Variants in SLC2A9 observed in about 807,000 individuals in gnomAD.
The protein encoded by SLC2A9 is solute carrier family 2, facilitated glucose transporter member 9.
SLC2A9 carries 39 observed loss-of-function variants against 50.6 expected under a neutral mutation model. That is an observed-to-expected ratio of 0.77 (90% CI 0.60 to 1.01). The LOEUF (loss-of-function observed/expected upper bound fraction) is 1.01. SLC2A9 is among the 50% of genes least tolerant of loss of function. The probability of loss-of-function intolerance (pLI) is 0.00; values close to 1 mark genes in which losing one functional copy is unlikely to be tolerated. For missense variants in SLC2A9, 686 were observed against 677.6 expected (o/e 1.01, Z -0.14); for synonymous variants, 324 against 276.9 (o/e 1.17, Z -1.69).
chr4:9,994,564 CT>C (rs35574155), intron 3 of SLC2A9, among the ~76,000 whole-genome samples: 29,181 of 131,630 alleles, frequency 0.22, 2,588 homozygotes, highest in Middle Eastern at 0.26. Flanking sequence ...TTTCCTTTTC[CT>C]TTTTTTTTTT....
intron 6 of SLC2A9, among the ~76,000 whole-genome samples, chr4:9,930,649 G>T (rs542645219): frequency 6.6e-6 from 1 of 152,232 alleles, no homozygotes; most frequent in Non-Finnish European, 1.5e-5. Context: ...CATATTTGCA[G>T]ATGTCTAGTC....
intron 11 of SLC2A9, among the ~76,000 whole-genome samples, chr4:9,831,173 T>A (rs1271849331): frequency 6.6e-6 from 1 of 152,162 alleles, no homozygotes; most frequent in Non-Finnish European, 1.5e-5. Context: ...AATCAAGTTG[T>A]GTGAGTAGTT....
chr4:9,818,000 C>A (rs1208954302), intron 3 of SLC2A9, among the ~76,000 whole-genome samples: 4 of 152,176 alleles, frequency 2.6e-5, no homozygotes, highest in African/African-American at 9.7e-5. Flanking sequence ...TGACTGCCTT[C>A]CAGTGCTACA....
chr4:9,896,037 T>G (rs1253065255), intron 8 of SLC2A9, among the ~76,000 whole-genome samples: 1 of 152,272 alleles, frequency 6.6e-6, no homozygotes, highest in Non-Finnish European at 1.5e-5. Context: ...AATAGCTGTT[T>G]CCAATTTTCA....
At chr4:9,856,009 C>T (rs1730661021) in intron 10 of SLC2A9, among the ~76,000 whole-genome samples, 1 of 152,196 alleles carries the variant, frequency 6.6e-6, no homozygotes, top group South Asian at 2.1e-4. Context: ...CTATAAAAAC[C>T]CTGGATGAAA....
chr4:9,959,363 C>T (rs1449333044), intron 5 of SLC2A9, among the ~76,000 whole-genome samples: 1 of 148,830 alleles, frequency 6.7e-6, no homozygotes, highest in South Asian at 2.1e-4. Context: ...CTGCACTGCA[C>T]TCTAGCCTCG....
At chr4:9,971,821 G>A (rs1753950446) in intron 5 of SLC2A9, among the ~76,000 whole-genome samples, 1 of 152,342 alleles carries the variant, frequency 6.6e-6, no homozygotes, top group Non-Finnish European at 1.5e-5. Flanking sequence ...ATGCCTGCTG[G>A]CAAAAACTAT....
chr4:9,936,270 G>A (rs565587592), intron 6 of SLC2A9, among the ~76,000 whole-genome samples: 3 of 152,160 alleles, frequency 2.0e-5, no homozygotes, highest in Non-Finnish European at 4.4e-5. Context: ...TGATATCCAT[G>A]ATCTGATATG....
intron 10 of SLC2A9, among the ~76,000 whole-genome samples, chr4:9,871,903 C>A (rs1407036258): frequency 1.3e-5 from 2 of 152,160 alleles, no homozygotes; most frequent in Non-Finnish European, 2.9e-5. Flanking sequence ...GTGAATTGCA[C>A]AGCCACAAGG....
At chr4:9,968,350 T>C (rs7683283) in intron 5 of SLC2A9, among the ~76,000 whole-genome samples, 73,498 of 152,016 alleles carry the variant, frequency 0.48, 19,130 homozygotes, top group African/African-American at 0.67. Flanking sequence ...TCACTTTCTT[T>C]CCTTGAGAAG....
chr4:9,960,624 G>A (rs1031680121), intron 5 of SLC2A9, among the ~76,000 whole-genome samples: 4 of 152,258 alleles, frequency 2.6e-5, no homozygotes, highest in African/African-American at 9.6e-5. Flanking sequence ...AGCTCACGTG[G>A]CATTCAGCAT....
downstream of SLC2A9, among the ~76,000 whole-genome samples, chr4:9,795,738 G>A (rs143009869): frequency 0.012 from 1,759 of 152,296 alleles, 15 homozygotes; most frequent in Non-Finnish European, 0.019. Context: ...TATGGTGAGG[G>A]ACGCATTGCC....
chr4:9,782,224 C>T (rs1290809760), intron 3 of SLC2A9: 16 of 1,612,644 alleles, frequency 9.9e-6, no homozygotes, highest in African/African-American at 1.3e-5. Flanking sequence ...GCGCAGCCAT[C>T]GTGCGGAGCC....
chr4:9,983,341 G>A (rs1756200548), intron 4 of SLC2A9, among the ~76,000 whole-genome samples: 1 of 152,188 alleles, frequency 6.6e-6, no homozygotes, highest in South Asian at 2.1e-4. Flanking sequence ...TATTCTGCAC[G>A]TGGCCATGGG....
chr4:9,961,896 G>C (rs931505050), intron 5 of SLC2A9, among the ~76,000 whole-genome samples: 1 of 152,148 alleles, frequency 6.6e-6, no homozygotes, highest in Non-Finnish European at 1.5e-5. Context: ...TCATTAAAAA[G>C]TGGGCAAAGG....
At chr4:9,983,622 G>A (rs1391576785) in intron 4 of SLC2A9, among the ~76,000 whole-genome samples, 1 of 152,198 alleles carries the variant, frequency 6.6e-6, no homozygotes, top group African/African-American at 2.4e-5. Flanking sequence ...GCAGACACAT[G>A]AGAAGGCCCA....
intron 10 of SLC2A9, among the ~76,000 whole-genome samples, chr4:9,852,656 G>A (rs936410792): frequency 1.8e-4 from 27 of 152,184 alleles, no homozygotes; most frequent in African/African-American, 6.3e-4. Context: ...ATAAGCAAGT[G>A]CTAAGGGAAT....
chr4:9,834,167 C>A (rs968453170), intron 11 of SLC2A9, among the ~76,000 whole-genome samples: 2 of 152,318 alleles, frequency 1.3e-5, no homozygotes, highest in African/African-American at 4.8e-5. Flanking sequence ...TTCACTCAGG[C>A]CTCTGCGCAA....
chr4:9,774,885 G>T (rs369731453), downstream of SLC2A9, among the ~76,000 whole-genome samples: 8 of 151,864 alleles, frequency 5.3e-5, no homozygotes, highest in Non-Finnish European at 1.2e-4. Flanking sequence ...TAAGGAAAAT[G>T]ACCACCTGGA....
Sources: gnomAD v4.1 joint callset for allele counts (sites outside exome capture counted in the v4.1 genomes callset) on GRCh38, gnomAD v4.1.1 for gene constraint, MANE v1.5 for transcripts, NCBI Gene and HGNC (gene_info 2026-07-23, HGNC 2026-07-21) for gene names.